Variants in NRG1 observed in about 807,000 individuals in gnomAD.
NRG1 encodes neuregulin 1.
A neutral mutation model predicts 63.8 loss-of-function variants in NRG1; 18 were observed. That is an observed-to-expected ratio of 0.28 (90% CI 0.19 to 0.42). The LOEUF (loss-of-function observed/expected upper bound fraction) is 0.42, where lower values mean the gene tolerates loss of function less well. Ranked by LOEUF, NRG1 falls within the 10% of genes least tolerant of loss-of-function variation. The pLI is 1.00. For synonymous variants in NRG1, 302 were observed against 301.3 expected (o/e 1.00, Z -0.02); for missense variants, 762 against 814.7 (o/e 0.94, Z 0.79).
At chr8:32,554,929 C>CTCTT (rs1554580903) in intron 1 of NRG1, among the ~76,000 whole-genome samples, 100 of 145,874 alleles carry the variant, frequency 6.9e-4, no homozygotes, top group Non-Finnish European at 1.2e-3. Flanking sequence ...CTCTCTCTCT[C>CTCTT]TTTTTTTTTT....
intron 1 of NRG1, among the ~76,000 whole-genome samples, chr8:32,483,496 G>A (rs572942265): frequency 7.9e-5 from 12 of 152,316 alleles, no homozygotes; most frequent in African/African-American, 2.9e-4. Context: ...TGGACTTAGA[G>A]CAAAGTGACT....
At chr8:32,743,517 GTA>G (rs200985682) in intron 7 of NRG1, among the ~76,000 whole-genome samples, 30 of 141,906 alleles carry the variant, frequency 2.1e-4, no homozygotes, top group African/African-American at 6.8e-4. Flanking sequence ...ATATGTGTTT[GTA>G]TATATATATG....
chr8:32,127,909 G>A (rs1184566826), intron 1 of NRG1, among the ~76,000 whole-genome samples: 1 of 151,828 alleles, frequency 6.6e-6, no homozygotes, highest in Non-Finnish European at 1.5e-5. Flanking sequence ...ACTCTAGCCT[G>A]AGCAACATAG....
intron 5 of NRG1, among the ~76,000 whole-genome samples, chr8:32,716,206 G>A (rs1349976035): frequency 1.5e-4 from 23 of 152,164 alleles, no homozygotes; most frequent in Admixed American, 1.5e-3. Flanking sequence ...AACTAGAAAT[G>A]CAAATTCCTG....
chr8:32,658,206 A>G (rs1801989597), intron 5 of NRG1, among the ~76,000 whole-genome samples: 1 of 152,230 alleles, frequency 6.6e-6, no homozygotes, highest in African/African-American at 2.4e-5. Context: ...AGTGGGATCA[A>G]TACAAGGATT....
chr8:32,470,855 T>C (rs1309487661), intron 1 of NRG1, among the ~76,000 whole-genome samples: 1 of 152,044 alleles, frequency 6.6e-6, no homozygotes, highest in Admixed American at 6.6e-5. Flanking sequence ...GTGGGGAAAG[T>C]GGCATGATGA....
At chr8:32,259,310 A>G (rs1227960048) in intron 1 of NRG1, among the ~76,000 whole-genome samples, 1 of 152,230 alleles carries the variant, frequency 6.6e-6, no homozygotes, top group Non-Finnish European at 1.5e-5. Flanking sequence ...CTGCCTTCAT[A>G]AATACATTAA....
intron 1 of NRG1, among the ~76,000 whole-genome samples, chr8:31,883,384 T>A (rs1417423984): frequency 6.6e-6 from 1 of 152,132 alleles, no homozygotes; most frequent in Non-Finnish European, 1.5e-5. Flanking sequence ...TTCAGGTGAC[T>A]TGCTTTATTA....
intron 1 of NRG1, among the ~76,000 whole-genome samples, chr8:32,348,929 G>T (rs1347322175): frequency 6.6e-6 from 1 of 152,324 alleles, no homozygotes; most frequent in African/African-American, 2.4e-5. Flanking sequence ...TTGAGGACAA[G>T]ATCCAAACAT....
rs1173313510 is a variant in NRG1, at chr8:32,562,636, G to C, written c.100+13810G>C. On this transcript the variant is annotated intron_variant, in intron 1 of 11. Coordinates refer to ENST00000356819, the Ensembl canonical transcript of NRG1. ...GAGAGGGCTGAAGGATGACGGCATGGTTTCAGTGTGTGAGTGTGCATGTAT... is the reference window on the plus strand; with the variant it reads ...GAGAGGGCTGAAGGATGACGGCATGCTTTCAGTGTGTGAGTGTGCATGTAT... Among the ~76,000 whole-genome samples, 3 of 152,112 alleles carry C rather than the reference G, an allele frequency of 2.0e-5. No homozygotes were observed. The South Asian group carries it at 6.2e-4, about 32-fold the overall frequency.
At chr8:31,744,712 A>AC (rs1339952083) in intron 1 of NRG1, among the ~76,000 whole-genome samples, 1 of 151,956 alleles carries the variant, frequency 6.6e-6, no homozygotes, top group Non-Finnish European at 1.5e-5. Flanking sequence ...CTTTAACTGA[A>AC]ACACACACAG....
intron 1 of NRG1, among the ~76,000 whole-genome samples, chr8:32,205,149 A>G (rs368446331): frequency 3.5e-4 from 53 of 152,242 alleles, no homozygotes; most frequent in African/African-American, 1.3e-3. Context: ...GAAAGGAAAT[A>G]CTCTAAAATG....
intron 1 of NRG1, among the ~76,000 whole-genome samples, chr8:32,175,546 C>T (rs933959863): frequency 6.6e-6 from 1 of 152,176 alleles, no homozygotes; most frequent in African/African-American, 2.4e-5. Flanking sequence ...CAAATTGTCC[C>T]TGTTTGCAGA....
intron 1 of NRG1, among the ~76,000 whole-genome samples, chr8:31,848,195 C>T (rs1826869148): frequency 6.6e-6 from 1 of 152,144 alleles, no homozygotes; most frequent in Non-Finnish European, 1.5e-5. Context: ...TCTGTGATTT[C>T]TAACACTCTG....
chr8:32,142,021 G>A (rs1418626104), intron 1 of NRG1, among the ~76,000 whole-genome samples: 1 of 152,072 alleles, frequency 6.6e-6, no homozygotes, highest in Non-Finnish European at 1.5e-5. Flanking sequence ...TTCTCCATCA[G>A]TTTCCTGGGC....
intron 1 of NRG1, among the ~76,000 whole-genome samples, chr8:32,282,136 G>C (rs1487141): frequency 0.24 from 36,569 of 152,058 alleles, 5,272 homozygotes; most frequent in African/African-American, 0.41. Flanking sequence ...TGAAAAGTTT[G>C]AGAGTGGAGT....
At chr8:32,510,774 G>A (rs138984633) in intron 1 of NRG1, among the ~76,000 whole-genome samples, 4 of 152,170 alleles carry the variant, frequency 2.6e-5, no homozygotes, top group Admixed American at 6.5e-5. Flanking sequence ...TCAGTAATCC[G>A]GAAGATGGCT....
intron 3 of NRG1, chr8:32,614,308 T>C: frequency 2.2e-6 from 1 of 448,204 alleles, no homozygotes; most frequent in Non-Finnish European, 4.0e-6. Context: ...GCTGATTTTA[T>C]GCTCTTTGCA....
At chr8:32,348,374 TA>T (rs1223328244) in intron 1 of NRG1, among the ~76,000 whole-genome samples, 30 of 152,338 alleles carry the variant, frequency 2.0e-4, no homozygotes, top group African/African-American at 6.7e-4. Context: ...GACCATAAAA[TA>T]AAATTTGTCA....
Sources: allele counts gnomAD v4.1 joint callset (sites outside exome capture counted in the v4.1 genomes callset), GRCh38; gene constraint gnomAD v4.1.1; transcripts MANE v1.5; gene names NCBI Gene and HGNC (gene_info 2026-07-23, HGNC 2026-07-21).